GABRA2: variants seen among roughly 807,000 people sequenced by gnomAD.
GABRA2 encodes gamma-aminobutyric acid receptor subunit alpha-2.
In GABRA2, 16 loss-of-function variants were observed where a neutral mutation model predicts 48.7. That is an observed-to-expected ratio of 0.33 (90% CI 0.22 to 0.50). The LOEUF is 0.50. GABRA2 is among the 20% of genes least tolerant of loss of function. The pLI, the probability that GABRA2 is intolerant of heterozygous loss-of-function variation, is 0.98. For missense variants in GABRA2, 275 were observed against 535.6 expected, an observed-to-expected ratio of 0.51 and a Z score of 4.80; for synonymous variants, 185 against 184.5, an observed-to-expected ratio of 1.00 and a Z score of -0.02.
chr4:46,307,536 C>T (rs964641664), intron 6 of GABRA2, among the ~76,000 whole-genome samples: 1 of 151,322 alleles, frequency 6.6e-6, no homozygotes, highest in African/African-American at 2.4e-5. Context: ...AAAGAGATGA[C>T]ATTTTTAAGG....
At chr4:46,252,030 T>G (rs912896566) in intron 9 of GABRA2, among the ~76,000 whole-genome samples, 4 of 151,528 alleles carry the variant, frequency 2.6e-5, no homozygotes, top group Non-Finnish European at 5.9e-5. Flanking sequence ...GCAACAGATA[T>G]AGAGGACAAA....
chr4:46,340,843 C>T (rs1733091665), intron 3 of GABRA2, among the ~76,000 whole-genome samples: 2 of 151,924 alleles, frequency 1.3e-5, no homozygotes, highest in Admixed American at 6.6e-5. Flanking sequence ...TCTTTCCTTT[C>T]CTTCTAGAAA....
rs1718022688 is a variant in GABRA2, at chr4:46,389,866, AGACT to A, written c.-146_-143del. 1 of 977,570 alleles carries A rather than the reference AGACT, an allele frequency of 1.0e-6. No individual in the cohort carries two copies. The highest frequency in any genetic ancestry group is 1.2e-6 in the Non-Finnish European group (1 of 828,124). The allele number at this position is 977,570 out of a possible 1,614,324, so 60.6% of individuals were successfully genotyped here. ...GAGAGAGAGAGAGAGAGAGAGACCG[AGACT>A]GCAGCAGCCAAGAGAGCGTGGAGCG... On this transcript the variant is annotated 5_prime_UTR_variant, in exon 1 of 10. Coordinates refer to ENST00000381620, the MANE Select transcript of GABRA2 (RefSeq NM_000807.4).
chr4:46,294,588 C>G (rs1030299301), intron 8 of GABRA2, among the ~76,000 whole-genome samples: 1 of 152,174 alleles, frequency 6.6e-6, no homozygotes, highest in African/African-American at 2.4e-5. Flanking sequence ...TGCTCTGCCA[C>G]TTGGGCCATA....
At chr4:46,291,791 A>ATATG (rs1723700402) in intron 8 of GABRA2, among the ~76,000 whole-genome samples, 1 of 149,818 alleles carries the variant, frequency 6.7e-6, no homozygotes, top group Non-Finnish European at 1.5e-5. Flanking sequence ...ATATATATAT[A>ATATG]CATATACATA....
At chr4:46,348,596 T>TA (rs1455111217) in intron 3 of GABRA2, among the ~76,000 whole-genome samples, 1 of 151,772 alleles carries the variant, frequency 6.6e-6, no homozygotes, top group African/African-American at 2.4e-5. Context: ...TATGCAGTCA[T>TA]AAAAAATGAT....
chr4:46,328,306 A>G (rs1044953963), intron 4 of GABRA2, among the ~76,000 whole-genome samples: 5 of 150,378 alleles, frequency 3.3e-5, no homozygotes, highest in African/African-American at 1.2e-4. Context: ...GCGCACACGC[A>G]TGTGTGTGTG....
intron 8 of GABRA2, among the ~76,000 whole-genome samples, chr4:46,282,687 T>C (rs1379342571): frequency 6.6e-6 from 1 of 152,192 alleles, no homozygotes; most frequent in Non-Finnish European, 1.5e-5. Context: ...TGCAAAATGA[T>C]TATTGTTATT....
intron 9 of GABRA2, among the ~76,000 whole-genome samples, chr4:46,254,169 A>T (rs1051175957): frequency 5.9e-5 from 9 of 151,510 alleles, no homozygotes; most frequent in Non-Finnish European, 1.0e-4. Flanking sequence ...ATTGACTGCT[A>T]TTAAAAATAA....
intron 3 of GABRA2, chr4:46,367,272 A>G (rs1393691465): frequency 1.3e-5 from 2 of 152,130 alleles, no homozygotes; most frequent in African/African-American, 4.8e-5. Context: ...TAAGAACCCA[A>G]AATAAGTAGC....
chr4:46,380,075 A>G (rs1282685402), intron 3 of GABRA2, among the ~76,000 whole-genome samples: 2 of 152,172 alleles, frequency 1.3e-5, no homozygotes, highest in African/African-American at 4.8e-5. Flanking sequence ...TGTCTGGTAC[A>G]TCCCAGCTTA....
intron 8 of GABRA2, among the ~76,000 whole-genome samples, chr4:46,300,806 C>T (rs1725605438): frequency 6.6e-6 from 1 of 152,054 alleles, no homozygotes; most frequent in Non-Finnish European, 1.5e-5. Context: ...GATACCCTCC[C>T]TCAAACATCT....
chr4:46,336,732 T>C (rs975493294), intron 3 of GABRA2, among the ~76,000 whole-genome samples: 7 of 152,116 alleles, frequency 4.6e-5, no homozygotes, highest in Non-Finnish European at 1.5e-5. Context: ...TGCAGACATG[T>C]ACTGAGGAAC....
chr4:46,385,747 A>C (rs1050322118), intron 3 of GABRA2, among the ~76,000 whole-genome samples: 3 of 152,080 alleles, frequency 2.0e-5, no homozygotes, highest in African/African-American at 7.2e-5. Flanking sequence ...TTCTTTACAC[A>C]TGAAATATAC....
chr4:46,283,333 T>C (rs1721893748), intron 8 of GABRA2, among the ~76,000 whole-genome samples: 1 of 152,086 alleles, frequency 6.6e-6, no homozygotes, highest in South Asian at 2.1e-4. Flanking sequence ...GACTGGAGTA[T>C]CAACAGCCAT....
rs1466267700 is a variant in GABRA2 at position 46,247,182 on chromosome 4, G to T, written c.*3126C>A. Among the ~76,000 whole-genome samples the T allele has an allele frequency of 6.6e-6, 1 of 150,822 alleles. No individual in the cohort carries two copies. The highest frequency in any genetic ancestry group is 1.5e-5 in the Non-Finnish European group (1 of 67,420). On this transcript the variant is annotated 3_prime_UTR_variant, in exon 10 of 10. Coordinates refer to ENST00000381620, the MANE Select transcript of GABRA2 (RefSeq NM_000807.4). ...GAAAAGATTTCTAAACATTAAGATT[G>T]GCACTTAATAAAATCATTAAAATTT...
intron 8 of GABRA2, 181 bp downstream of exon 8, chr4:46,303,279 C>T: frequency 1.4e-5 from 8 of 573,726 alleles, no homozygotes; most frequent in Non-Finnish European, 2.5e-5. Context: ...TCCTTATATC[C>T]CTTATTAACA....
At chr4:46,369,624 AG>A (rs1478010814) in intron 3 of GABRA2, among the ~76,000 whole-genome samples, 2 of 152,130 alleles carry the variant, frequency 1.3e-5, no homozygotes, top group African/African-American at 4.8e-5. Flanking sequence ...CATGTATCAA[AG>A]GGCACAGTTC....
intron 8 of GABRA2, among the ~76,000 whole-genome samples, chr4:46,289,417 A>C (rs149425281): frequency 9.8e-5 from 15 of 152,342 alleles, no homozygotes; most frequent in African/African-American, 3.6e-4. Flanking sequence ...GTGGATCTGG[A>C]GGTCATTATA....
Sources: allele counts gnomAD v4.1 joint callset (sites outside exome capture counted in the v4.1 genomes callset), GRCh38; gene constraint gnomAD v4.1.1; transcripts MANE v1.5; gene names NCBI Gene and HGNC (gene_info 2026-07-23, HGNC 2026-07-21).